The following PPP1R12A variants were observed in gnomAD, a reference collection of about 807,000 sequenced individuals.
PPP1R12A encodes the protein myosin binding subunit.
Under a neutral mutation model 139.6 loss-of-function variants are expected in PPP1R12A, and 19 were observed. That is an observed-to-expected ratio of 0.14 (90% CI 0.09 to 0.20). The LOEUF is 0.20. Ranked by LOEUF, PPP1R12A falls within the 10% of genes least tolerant of loss-of-function variation. The pLI, the probability that PPP1R12A is intolerant of heterozygous loss-of-function variation, is 1.00. For synonymous variants in PPP1R12A, 427 were observed against 420.6 expected (o/e 1.02, Z -0.19); for missense variants, 925 against 1,211.5 (o/e 0.76, Z 3.51).
intron 9 of PPP1R12A, 38 bp from the exon 10 acceptor site, chr12:79,810,048 T>G (rs1205582987): frequency 6.8e-7 from 1 of 1,467,116 alleles, no homozygotes; most frequent in Non-Finnish European, 9.3e-7. Context: ...GAAAAAAGAA[T>G]TTGTAAAGCT....
intron 15 of PPP1R12A, 108 bp from the exon 16 acceptor site, chr12:79,797,503 G>A: frequency 9.2e-7 from 1 of 1,085,268 alleles, no homozygotes; most frequent in African/African-American, 1.6e-5. Context: ...AGTCAAATAT[G>A]CATGTTTAAA....
Position 79,774,745 on chromosome 12 carries a change from G to C in PPP1R12A, c.*1184C>G, listed in dbSNP as rs964961952. 6.6e-6 allele frequency: 1 copy of C among 152,402 alleles called. No individual in the cohort carries two copies. The allele number at this position is 152,402 out of a possible 1,614,324, so 9.4% of individuals were successfully genotyped here. On this transcript the variant is annotated 3_prime_UTR_variant, in exon 25 of 25. Transcript: ENST00000450142. Reference sequence around the variant, plus strand: ...ACAGTGCATTTAACATTAACTCACGGGTTAATTCTGCAAATGATTTCATAG... The same window carrying C: ...ACAGTGCATTTAACATTAACTCACGCGTTAATTCTGCAAATGATTTCATAG...
intron 1 of PPP1R12A, among the ~76,000 whole-genome samples, chr12:79,900,006 TA>T (rs889987757): frequency 1.1e-4 from 17 of 152,350 alleles, no homozygotes; most frequent in African/African-American, 3.8e-4. Context: ...TTGTCTCTAT[TA>T]AACTATATGC....
chr12:79,897,612 G>T (rs1468665570), intron 1 of PPP1R12A, among the ~76,000 whole-genome samples: 1 of 152,168 alleles, frequency 6.6e-6, no homozygotes, highest in Non-Finnish European at 1.5e-5. Context: ...TAAGTTCTAG[G>T]TTTATGTGAT....
intron 14 of PPP1R12A, 139 bp downstream of exon 14, chr12:79,805,453 G>C: frequency 1.4e-6 from 1 of 699,116 alleles, no homozygotes; most frequent in Non-Finnish European, 2.2e-6. Context: ...AATTTACATA[G>C]TTCTGAGCTG....
At chr12:79,927,349 G>T (rs893655750) in intron 1 of PPP1R12A, among the ~76,000 whole-genome samples, 2 of 152,102 alleles carry the variant, frequency 1.3e-5, no homozygotes, top group Non-Finnish European at 2.9e-5. Context: ...TGCACATAAT[G>T]GTAAGTCAAA....
rs543247746 is a variant in PPP1R12A at position 79,806,455 on chromosome 12, C to T, written c.1656-122G>A. Reference sequence around the variant, plus strand: ...TTTAAAAACTGTGTTCCTAAATACACCACCAGCTCCAGCACCAAGAGTTGC... The same window carrying T: ...TTTAAAAACTGTGTTCCTAAATACATCACCAGCTCCAGCACCAAGAGTTGC... On this transcript the variant is annotated intron_variant, in intron 12 of 24. Coordinates refer to ENST00000450142, the MANE Select transcript of PPP1R12A (RefSeq NM_002480.3). The T allele has an allele frequency of 5.1e-6, 4 of 778,376 alleles. No individual in the cohort carries two copies. The South Asian group carries it at 6.7e-5, about 13-fold the overall frequency. The allele number at this position is 778,376 out of a possible 1,614,324, so 48.2% of individuals were successfully genotyped here. A position where few individuals can be genotyped will look rare whatever the true frequency, so the allele number is the denominator to read the frequency against.
At chr12:79,871,039 T>A (rs987286179) in intron 2 of PPP1R12A, among the ~76,000 whole-genome samples, 13 of 152,174 alleles carry the variant, frequency 8.5e-5, no homozygotes, top group African/African-American at 3.1e-4. Context: ...AACACAATTC[T>A]AGAGTTGTGG....
intron 2 of PPP1R12A, among the ~76,000 whole-genome samples, chr12:79,855,909 G>A (rs932699443): frequency 1.3e-5 from 2 of 151,626 alleles, no homozygotes; most frequent in African/African-American, 4.8e-5. Flanking sequence ...GTTATCTAAA[G>A]GACTTAGAAC....
intron 1 of PPP1R12A, among the ~76,000 whole-genome samples, chr12:79,912,365 C>G (rs1228524994): frequency 6.6e-6 from 1 of 152,078 alleles, no homozygotes. Context: ...GTATTATGAC[C>G]GGCACACACA....
intron 3 of PPP1R12A, chr12:79,832,709 C>CA (rs1877572691): frequency 2.7e-6 from 1 of 373,000 alleles, no homozygotes. Flanking sequence ...TTTTGCTTCA[C>CA]AATACTATTT....
At chr12:79,799,210 G>A (rs1029618891) in intron 14 of PPP1R12A, among the ~76,000 whole-genome samples, 2 of 152,008 alleles carry the variant, frequency 1.3e-5, no homozygotes, top group South Asian at 2.1e-4. Flanking sequence ...GTGCAGTGGC[G>A]CGATCTCAGC....
At chr12:79,783,579 T>C (rs540305186) in intron 22 of PPP1R12A, among the ~76,000 whole-genome samples, 1 of 152,242 alleles carries the variant, frequency 6.6e-6, no homozygotes, top group Admixed American at 6.5e-5. Flanking sequence ...CAAAGGCTGA[T>C]ACACCACGTG....
intron 1 of PPP1R12A, among the ~76,000 whole-genome samples, chr12:79,904,107 C>T (rs1030674602): frequency 3.3e-5 from 5 of 151,762 alleles, no homozygotes; most frequent in Non-Finnish European, 5.9e-5. Context: ...CCCAGCTACT[C>T]GGGAGGCTGA....
At chr12:79,863,190 AC>A (rs1881548675) in intron 2 of PPP1R12A, among the ~76,000 whole-genome samples, 1 of 152,212 alleles carries the variant, frequency 6.6e-6, no homozygotes, top group African/African-American at 2.4e-5. Flanking sequence ...AGAATTTTCA[AC>A]CCAGAATTTC....
intron 1 of PPP1R12A, among the ~76,000 whole-genome samples, chr12:79,928,363 C>T (rs930491108): frequency 2.0e-5 from 3 of 152,152 alleles, no homozygotes; most frequent in Non-Finnish European, 4.4e-5. Context: ...GCACTGGTGC[C>T]CTACCAGCAC....
chr12:79,841,048 A>AT (rs1443269889), intron 3 of PPP1R12A, among the ~76,000 whole-genome samples: 1 of 137,336 alleles, frequency 7.3e-6, no homozygotes, highest in Non-Finnish European at 1.6e-5. Context: ...ATTCCTTTTT[A>AT]TTTAAAAAAA....
intron 1 of PPP1R12A, among the ~76,000 whole-genome samples, chr12:79,888,039 G>A (rs1387404035): frequency 6.6e-6 from 1 of 152,094 alleles, no homozygotes; most frequent in African/African-American, 2.4e-5. Flanking sequence ...CAAAACAAGT[G>A]GGCCATAAAG....
intron 9 of PPP1R12A, among the ~76,000 whole-genome samples, chr12:79,812,391 C>CGTGCGTGTGTGTGTGTGTGTGTGT (rs1555202885): frequency 7.4e-6 from 1 of 134,510 alleles, no homozygotes; most frequent in African/African-American, 2.9e-5. Context: ...TCTGTGTGTG[C>CGTGCGTGTGTGTGTGTGTGTGTGT]GTGTGTGTGT....
Sources: gnomAD v4.1 joint callset for allele counts (sites outside exome capture counted in the v4.1 genomes callset) on GRCh38, gnomAD v4.1.1 for gene constraint, MANE v1.5 for transcripts, NCBI Gene and HGNC (gene_info 2026-07-23, HGNC 2026-07-21) for gene names.